EXOC2: variants seen among roughly 807,000 people sequenced by gnomAD.
The protein encoded by EXOC2 is SEC5-like 1.
In EXOC2, 70 loss-of-function variants were observed where a neutral mutation model predicts 131.8. The ratio of observed to expected loss-of-function variants is 0.53; its 90% CI spans 0.44 to 0.65. EXOC2 has a LOEUF of 0.65. EXOC2 is among the 30% of genes least tolerant of loss of function. The probability of loss-of-function intolerance (pLI) is 0.00; values close to 1 mark genes in which losing one functional copy is unlikely to be tolerated. For synonymous variants in EXOC2, 411 were observed against 398.4 expected (o/e 1.03, Z -0.38); for missense variants, 923 against 1,108.6 (o/e 0.83, Z 2.38).
chr6:661,412 A>G (rs1230878260), intron 1 of EXOC2, among the ~76,000 whole-genome samples: 1 of 152,250 alleles, frequency 6.6e-6, no homozygotes, highest in Non-Finnish European at 1.5e-5. Flanking sequence ...CAGGTAGTCT[A>G]TAAAGGAAAA....
chr6:590,084 C>T (rs1454782574), intron 11 of EXOC2, among the ~76,000 whole-genome samples: 1 of 151,048 alleles, frequency 6.6e-6, no homozygotes, highest in African/African-American at 2.4e-5. Context: ...CACTGCACTC[C>T]AGCCTGGGCG....
chr6:583,088 T>C (rs1581490232), intron 11 of EXOC2, among the ~76,000 whole-genome samples: 1 of 152,346 alleles, frequency 6.6e-6, no homozygotes, highest in South Asian at 2.1e-4. Flanking sequence ...ATGAAATGTA[T>C]GTTTTTGTCA....
At chr6:558,474 A>G (rs1336382191) in intron 17 of EXOC2, among the ~76,000 whole-genome samples, 2 of 152,228 alleles carry the variant, frequency 1.3e-5, no homozygotes, top group Non-Finnish European at 2.9e-5. Flanking sequence ...AATTATTACT[A>G]TAATATTGAC....
chr6:622,176 G>A (rs772218790), intron 4 of EXOC2, among the ~76,000 whole-genome samples: 3 of 152,174 alleles, frequency 2.0e-5, no homozygotes, highest in Non-Finnish European at 4.4e-5. Flanking sequence ...TGTTTCTGTC[G>A]ACCTTCCTTC....
At chr6:548,171 C>T (rs1016428476) in intron 22 of EXOC2, among the ~76,000 whole-genome samples, 7 of 152,018 alleles carry the variant, frequency 4.6e-5, no homozygotes, top group Non-Finnish European at 7.4e-5. Context: ...GCTTAAGTCA[C>T]GACATTTCTC....
rs148321659 is a variant in EXOC2, at chr6:667,911, A to G, written c.-44+25108T>C. Reference sequence around the variant, plus strand: ...CATCCATCCATCCATCCATCCATCCATCCGTCCATATCCTGTTGATTCTGT... The same window carrying G: ...CATCCATCCATCCATCCATCCATCCGTCCGTCCATATCCTGTTGATTCTGT... On this transcript the variant is annotated intron_variant, in intron 1 of 27. Transcript: ENST00000230449. Among the ~76,000 whole-genome samples the G allele has an allele frequency of 5.8e-3, 830 of 144,284 alleles. 10 individuals are homozygous for G. The highest frequency in any genetic ancestry group is 0.02 in the African/African-American group (776 of 39,276). The allele number at this position is 144,284 out of a possible 152,430, so 94.7% of individuals were successfully genotyped here.
intron 22 of EXOC2, among the ~76,000 whole-genome samples, chr6:538,053 C>A (rs775790931): frequency 6.6e-6 from 1 of 151,966 alleles, no homozygotes; most frequent in Non-Finnish European, 1.5e-5. Context: ...GTAAATTACA[C>A]CTCATTTTTT....
intron 25 of EXOC2, among the ~76,000 whole-genome samples, chr6:494,670 C>A (rs1442129990): frequency 6.6e-6 from 1 of 152,112 alleles, no homozygotes; most frequent in Non-Finnish European, 1.5e-5. Context: ...TGTTCTAGAA[C>A]TTCATGTAAA....
chr6:521,302 A>G (rs941812928), intron 23 of EXOC2, among the ~76,000 whole-genome samples: 1 of 152,220 alleles, frequency 6.6e-6, no homozygotes, highest in African/African-American at 2.4e-5. Context: ...CTCACCGTCC[A>G]CACTCGGAGA....
chr6:492,094 T>C (rs1037445450), intron 25 of EXOC2, among the ~76,000 whole-genome samples: 2 of 152,184 alleles, frequency 1.3e-5, no homozygotes, highest in Non-Finnish European at 2.9e-5. Flanking sequence ...AGGAAACCCT[T>C]CTTAGAAATC....
chr6:491,114 C>T lies in EXOC2; in HGVS notation c.2621+11G>A. ...TAATAGAGCACTCAACTAAAGAACA[C>T]TGCCACTTACTTGCTTTCGGGTGTC... On this transcript the variant is annotated intron_variant, in intron 26 of 27. Transcript: ENST00000230449. 4 of 1,614,022 alleles carry T rather than the reference C, an allele frequency of 2.5e-6. No homozygotes were observed. In the Middle Eastern group the frequency reaches 4.9e-4, roughly 200 times the overall value.
intron 26 of EXOC2, among the ~76,000 whole-genome samples, chr6:490,914 T>TA (rs1230161546): frequency 6.6e-6 from 1 of 152,246 alleles, no homozygotes; most frequent in African/African-American, 2.4e-5. Context: ...TGCTGTATTA[T>TA]AAGACTAAGA....
At position 657,423 on chromosome 6, in the gene EXOC2, A is replaced by G. The variant is rs1763184342; in HGVS notation, c.-43-19562T>C. Reference sequence around the variant, plus strand: ...TTTTACAACCTCATCTTCACACTTAAATATGTAACAGGCACCTTTCCATGC... The same window carrying G: ...TTTTACAACCTCATCTTCACACTTAGATATGTAACAGGCACCTTTCCATGC... On this transcript the variant is annotated intron_variant, in intron 1 of 27. Coordinates refer to ENST00000230449, the MANE Select transcript of EXOC2 (RefSeq NM_018303.6). Among the ~76,000 whole-genome samples, 3 of 152,158 alleles carry G rather than the reference A, an allele frequency of 2.0e-5. No individual in the cohort carries two copies. In the South Asian group the frequency reaches 6.2e-4, roughly 32 times the overall value.
In EXOC2 at chr6:620,129, C is replaced by A. The variant is rs372174108; in HGVS notation, c.423-586G>T. ...TATACATAATCTGCTGCTCCCTCAT[C>A]TTGCCTACATGTTTAAGACTGACTT... On this transcript the variant is annotated intron_variant, in intron 4 of 27. Coordinates refer to ENST00000230449, the MANE Select transcript of EXOC2 (RefSeq NM_018303.6). Among the ~76,000 whole-genome samples the A allele has an allele frequency of 4.6e-5, 7 of 152,218 alleles. No homozygotes were observed. The East Asian group carries it at 1.2e-3, about 25-fold the overall frequency.
rs567368998 is a variant in EXOC2, at chr6:542,677, T to A, written c.2238+6498A>T. 5.3e-5 allele frequency among the ~76,000 whole-genome samples: 8 copies of A among 152,092 alleles called. No individual in the cohort carries two copies. In the East Asian group the frequency reaches 1.5e-3, roughly 29 times the overall value. On this transcript the variant is annotated intron_variant, in intron 22 of 27. Transcript: ENST00000230449. The stretch of plus-strand genomic sequence containing the variant: ...TAAAGAAAATACTGGGCCTAGAGAG[T>A]ACAACACAAGCTACAGATAAATGTT...
intron 1 of EXOC2, among the ~76,000 whole-genome samples, chr6:644,873 T>C (rs763483691): frequency 2.6e-5 from 4 of 152,188 alleles, no homozygotes; most frequent in Non-Finnish European, 5.9e-5. Context: ...ATCATGACCA[T>C]GGATCAGAAG....
chr6:642,136 C>T (rs9392723), intron 1 of EXOC2, among the ~76,000 whole-genome samples: 107,538 of 151,868 alleles, frequency 0.71, 38,702 homozygotes, highest in Middle Eastern at 0.88. Context: ...CTCTTTGCAC[C>T]AAAGAGAAAT....
intron 6 of EXOC2, among the ~76,000 whole-genome samples, chr6:610,679 C>G (rs1336649422): frequency 6.6e-6 from 1 of 152,202 alleles, no homozygotes; most frequent in Non-Finnish European, 1.5e-5. Flanking sequence ...GGGTCCCAAG[C>G]ATTTCAGATA....
chr6:654,106 A>G (rs140054585), intron 1 of EXOC2, among the ~76,000 whole-genome samples: 51 of 152,352 alleles, frequency 3.3e-4, no homozygotes, highest in African/African-American at 1.2e-3. Flanking sequence ...ACTGTTCATT[A>G]ACAATGCACC....
Sources: allele counts gnomAD v4.1 joint callset (sites outside exome capture counted in the v4.1 genomes callset), GRCh38; gene constraint gnomAD v4.1.1; transcripts MANE v1.5; gene names NCBI Gene and HGNC (gene_info 2026-07-23, HGNC 2026-07-21).